The following ERI3 variants were observed in gnomAD, a reference collection of about 807,000 sequenced individuals.
The protein encoded by ERI3 is ERI1 exoribonuclease 3.
Under a neutral mutation model 44.4 loss-of-function variants are expected in ERI3, and 18 were observed. The observed-to-expected ratio is 0.41, with a 90% CI of 0.28 to 0.60. ERI3 has a LOEUF of 0.60. ERI3 is among the 20% of genes least tolerant of loss of function. The pLI is 0.36. For synonymous variants in ERI3, 183 were observed against 164.8 expected, an observed-to-expected ratio of 1.11 and a Z score of -0.84; for missense variants, 294 against 435.5, an observed-to-expected ratio of 0.68 and a Z score of 2.89.
rs191042799 is a variant in ERI3 at position 44,294,694 on chromosome 1, G to A, written c.759-9787C>T. ...CCCCAGTAGGGAGTGGCTATGGAGA[G>A]GAGGCTGAGCAAGTGATGGGAGGTT... On this transcript the variant is annotated intron_variant, in intron 6 of 8. Transcript: ENST00000372257. Among the ~76,000 whole-genome samples, 360 of 152,374 alleles carry A rather than the reference G, an allele frequency of 2.4e-3. 2 individuals carry two copies. Among genetic ancestry groups the A allele is most frequent in the African/African-American group, 8.2e-3 (340 of 41,590 alleles).
chr1:44,260,720 T>C (rs774809968), intron 7 of ERI3, among the ~76,000 whole-genome samples: 2 of 152,132 alleles, frequency 1.3e-5, no homozygotes, highest in Non-Finnish European at 2.9e-5. Flanking sequence ...TCATCAGATC[T>C]GAGGTACTTC....
At chr1:44,234,381 C>T (rs1394100406) in intron 8 of ERI3, among the ~76,000 whole-genome samples, 2 of 152,160 alleles carry the variant, frequency 1.3e-5, no homozygotes, top group South Asian at 2.1e-4. Context: ...TCTTAAAACC[C>T]GGGCTGGGCG....
intron 6 of ERI3, among the ~76,000 whole-genome samples, chr1:44,289,726 C>T (rs1405318318): frequency 6.6e-5 from 10 of 152,250 alleles, no homozygotes; most frequent in East Asian, 5.8e-4. Flanking sequence ...GTGGCTAGCC[C>T]GGCGCCAGCC....
At position 44,355,033 on chromosome 1, in the gene ERI3, GCCCC is replaced by G. The variant is rs745837687; in HGVS notation, c.-11_-8del. 1 of 1,381,402 alleles carries G rather than the reference GCCCC, an allele frequency of 7.2e-7. No individual in the cohort carries two copies. Among genetic ancestry groups the G allele is most frequent in the Non-Finnish European group, 9.4e-7 (1 of 1,063,234 alleles). 85.6% of individuals were successfully genotyped at this position (1,381,402 alleles called of 1,614,324 possible). On this transcript the variant is annotated 5_prime_UTR_variant, in exon 1 of 9. Transcript: ENST00000372257. ...CGGGAGAGGCTGTCGCCATGGCAAC[GCCCC>G]CTCCTCGGGGCCAGCGCGGCAGGCT...
At chr1:44,255,029 G>A (rs1394381188) in intron 7 of ERI3, among the ~76,000 whole-genome samples, 1 of 151,980 alleles carries the variant, frequency 6.6e-6, no homozygotes. Flanking sequence ...GTAAAATGGG[G>A]GTTATAATAG....
intron 3 of ERI3, among the ~76,000 whole-genome samples, chr1:44,332,037 T>C (rs1646440131): frequency 6.6e-6 from 1 of 152,172 alleles, no homozygotes; most frequent in African/African-American, 2.4e-5. Context: ...ATTCCTTACT[T>C]GTCTTTATAC....
chr1:44,280,875 C>T (rs1022608698), intron 7 of ERI3, among the ~76,000 whole-genome samples: 12 of 152,220 alleles, frequency 7.9e-5, no homozygotes, highest in South Asian at 2.1e-4. Flanking sequence ...CCTTTTGCCA[C>T]CTTCACTACA....
intron 8 of ERI3, among the ~76,000 whole-genome samples, chr1:44,234,967 T>C (rs973065002): frequency 6.6e-6 from 1 of 152,140 alleles, no homozygotes; most frequent in Admixed American, 6.5e-5. Context: ...GATAACTGTA[T>C]TGTGATTATG....
chr1:44,338,260 GT>G (rs1646575564), intron 3 of ERI3, among the ~76,000 whole-genome samples: 1 of 152,156 alleles, frequency 6.6e-6, no homozygotes, highest in African/African-American at 2.4e-5. Flanking sequence ...ATCCCTCACA[GT>G]TCCTGTGAGT....
chr1:44,331,323 G>T (rs1335209755), intron 3 of ERI3, among the ~76,000 whole-genome samples: 1 of 151,636 alleles, frequency 6.6e-6, no homozygotes, highest in Non-Finnish European at 1.5e-5. Flanking sequence ...TTTTAAGCAG[G>T]GGGAAGGTGA....
At chr1:44,322,906 C>A (rs756930536) in intron 3 of ERI3, 9 of 1,525,304 alleles carry the variant, frequency 5.9e-6, no homozygotes, top group Non-Finnish European at 7.9e-6. Context: ...AGAGATGGAA[C>A]CCCAACACTA....
chr1:44,292,488 C>A (rs949751637), intron 6 of ERI3, among the ~76,000 whole-genome samples: 1 of 152,184 alleles, frequency 6.6e-6, no homozygotes, highest in Non-Finnish European at 1.5e-5. Context: ...CTTGAGAGAG[C>A]TTCCAGGCCC....
At chr1:44,342,870 T>TTA (rs1646711353) in intron 2 of ERI3, among the ~76,000 whole-genome samples, 2 of 68,088 alleles carry the variant, frequency 2.9e-5, no homozygotes, top group Non-Finnish European at 6.3e-5. Context: ...TTTTTTTTTT[T>TTA]TTTTTTTTTT....
chr1:44,353,134 T>C (rs1646931216), intron 1 of ERI3: 1 of 985,434 alleles, frequency 1.0e-6, no homozygotes, highest in Non-Finnish European at 1.2e-6. Context: ...CTTTTGCTCC[T>C]AAGGAGGCTC....
At chr1:44,349,632 A>ATTTT (rs1646852232) in intron 2 of ERI3, among the ~76,000 whole-genome samples, 2 of 152,266 alleles carry the variant, frequency 1.3e-5, no homozygotes, top group African/African-American at 2.4e-5. Context: ...ATGAAGCCAA[A>ATTTT]AGCCAAGTCA....
chr1:44,334,737 A>C (rs1646498604), intron 3 of ERI3, among the ~76,000 whole-genome samples: 1 of 152,234 alleles, frequency 6.6e-6, no homozygotes, highest in South Asian at 2.1e-4. Flanking sequence ...AATAAAGTAC[A>C]AAAATAAACA....
chr1:44,273,009 T>C lies in ERI3; in HGVS notation c.831+11826A>G, dbSNP rs545886120. On this transcript the variant is annotated intron_variant, in intron 7 of 8. Transcript: ENST00000372257. The stretch of plus-strand genomic sequence containing the variant: ...AGAACGAAGGGAATGTCTGTGGCGT[T>C]TTCTGACATTGCTAATAGCTCCTTG... 2.0e-5 allele frequency among the ~76,000 whole-genome samples: 3 copies of C among 152,278 alleles called. No individual in the cohort carries two copies. The East Asian group carries it at 5.8e-4, about 29-fold the overall frequency.
At chr1:44,324,753 A>G (rs1646274061) in intron 3 of ERI3, among the ~76,000 whole-genome samples, 1 of 152,140 alleles carries the variant, frequency 6.6e-6, no homozygotes, top group Non-Finnish European at 1.5e-5. Flanking sequence ...AAGTGTTGGG[A>G]TTACAGGCGT....
At chr1:44,242,072 G>A (rs1321140958) in intron 8 of ERI3, 13 of 985,492 alleles carry the variant, frequency 1.3e-5, no homozygotes, top group Non-Finnish European at 1.6e-5. Flanking sequence ...AGGCAGGCCA[G>A]TGCAGACCCT....
Sources: gnomAD v4.1 joint callset for allele counts (sites outside exome capture counted in the v4.1 genomes callset) on GRCh38, gnomAD v4.1.1 for gene constraint, MANE v1.5 for transcripts, NCBI Gene and HGNC (gene_info 2026-07-23, HGNC 2026-07-21) for gene names.